Variants in SNX29 observed in about 807,000 individuals in gnomAD.
The protein encoded by SNX29 is sorting nexin 29.
SNX29 carries 78 observed loss-of-function variants against 102.1 expected under a neutral mutation model. That is an observed-to-expected ratio of 0.76 (90% CI 0.64 to 0.92). The LOEUF is 0.92. Among genes scored for constraint, SNX29 ranks in the 40% least tolerant of loss-of-function variants. The probability of loss-of-function intolerance (pLI) is 0.00; values close to 1 mark genes in which losing one functional copy is unlikely to be tolerated. For missense variants in SNX29, 1,280 were observed against 1,061.7 expected (o/e 1.21, Z -2.86); for synonymous variants, 580 against 414.5 (o/e 1.40, Z -4.85).
At position 12,515,616 on chromosome 16, in the gene SNX29, C is replaced by A. The variant is rs950967402; in HGVS notation, c.2179-9086C>A. ...AGGTGACCTCCGAAGTCACCTCCTC[C>A]CAGGTGCCTTCCTGTCCTAGCCACC... On this transcript the variant is annotated intron_variant, in intron 19 of 20. Coordinates refer to ENST00000566228, the MANE Select transcript of SNX29 (RefSeq NM_032167.5). The A allele has an allele frequency of 1.2e-5, 6 of 487,406 alleles. No individual in the cohort carries two copies. The East Asian group carries it at 1.9e-4, about 16-fold the overall frequency. The allele number at this position is 487,406 out of a possible 1,614,324, so 30.2% of individuals were successfully genotyped here.
chr16:12,060,395 C>T (rs2050720557), intron 8 of SNX29, among the ~76,000 whole-genome samples: 1 of 152,050 alleles, frequency 6.6e-6, no homozygotes, highest in Admixed American at 6.6e-5. Context: ...ATTTTGAGAC[C>T]AGCCTGGACA....
intron 18 of SNX29, among the ~76,000 whole-genome samples, chr16:12,417,754 C>T (rs953299869): frequency 6.6e-6 from 1 of 152,064 alleles, no homozygotes; most frequent in Admixed American, 6.5e-5. Context: ...TCCTCACCCT[C>T]CTCACCCTTT....
intron 20 of SNX29, among the ~76,000 whole-genome samples, chr16:12,538,973 AATAGGGAGAAG>A (rs2077201495): frequency 6.6e-6 from 1 of 152,172 alleles, no homozygotes; most frequent in South Asian, 2.1e-4. Context: ...AAGTGATATA[AATAGGGAGAAG>A]ATAGAACAGA....
At chr16:12,415,987 T>C (rs929702637) in intron 18 of SNX29, among the ~76,000 whole-genome samples, 1 of 152,104 alleles carries the variant, frequency 6.6e-6, no homozygotes, top group Admixed American at 6.6e-5. Context: ...GGGGCCGTCT[T>C]CTGAATGTGG....
intron 16 of SNX29, among the ~76,000 whole-genome samples, chr16:12,365,456 G>A (rs1016372275): frequency 1.3e-5 from 2 of 151,670 alleles, no homozygotes; most frequent in East Asian, 1.9e-4. Context: ...TTGGGAGGCC[G>A]AGGCAGGAGG....
chr16:12,140,907 C>T (rs961694902), intron 13 of SNX29, among the ~76,000 whole-genome samples: 3 of 152,124 alleles, frequency 2.0e-5, no homozygotes, highest in Middle Eastern at 3.4e-3. Context: ...AAATTTATAG[C>T]GAATATAACC....
At position 12,571,201 on chromosome 16, in the gene SNX29, A is replaced by AC. The variant is rs1380342977; in HGVS notation, c.*2572_*2573insC. The AC allele has an allele frequency of 2.6e-5, 6 of 232,230 alleles. No homozygotes were observed. The highest frequency in any genetic ancestry group is 1.3e-4 in the African/African-American group (6 of 45,236). 14.4% of individuals were successfully genotyped at this position (232,230 alleles called of 1,614,324 possible). A position where few individuals can be genotyped will look rare whatever the true frequency, so the allele number is the denominator to read the frequency against. On this transcript the variant is annotated 3_prime_UTR_variant, in exon 21 of 21. Coordinates refer to ENST00000566228, the MANE Select transcript of SNX29 (RefSeq NM_032167.5). ...TGTGGTGGGATGAACTTCAGGCAAC[A>AC]AACAACTGGCAGGGTTCCCAGTTCC...
At chr16:12,058,179 C>T (rs1042777627) in intron 8 of SNX29, among the ~76,000 whole-genome samples, 1 of 152,044 alleles carries the variant, frequency 6.6e-6, no homozygotes, top group Non-Finnish European at 1.5e-5. Context: ...TGCTTCATTA[C>T]AACTGTGTAA....
At chr16:12,518,651 C>G (rs982883532) in intron 19 of SNX29, among the ~76,000 whole-genome samples, 12 of 152,198 alleles carry the variant, frequency 7.9e-5, no homozygotes, top group African/African-American at 1.2e-4. Context: ...GTCCCTACCC[C>G]CTCCTGCACA....
chr16:12,208,440 G>A (rs937852780), intron 14 of SNX29, among the ~76,000 whole-genome samples: 1 of 152,168 alleles, frequency 6.6e-6, no homozygotes, highest in African/African-American at 2.4e-5. Flanking sequence ...TAGGTTGTGA[G>A]GATCTATGGT....
At chr16:12,502,886 C>T (rs963561614) in intron 19 of SNX29, among the ~76,000 whole-genome samples, 2 of 152,192 alleles carry the variant, frequency 1.3e-5, no homozygotes, top group African/African-American at 4.8e-5. Flanking sequence ...TTTAGAATTA[C>T]AGGAGCGATT....
intron 15 of SNX29, among the ~76,000 whole-genome samples, chr16:12,297,512 C>A (rs945559278): frequency 3.3e-5 from 5 of 151,978 alleles, no homozygotes; most frequent in Non-Finnish European, 7.4e-5. Flanking sequence ...TGGCTTCCTT[C>A]CCTTCTCCTG....
At chr16:12,541,186 C>T (rs537842653) in intron 20 of SNX29, among the ~76,000 whole-genome samples, 2 of 152,264 alleles carry the variant, frequency 1.3e-5, no homozygotes, top group South Asian at 4.1e-4. Context: ...TCAGTATTGT[C>T]TATCCTGAAG....
Position 12,042,973 on chromosome 16 carries a change from C to T in SNX29, c.324C>T (p.Ile108=), listed in dbSNP as rs1199624847. 10 of 1,613,772 alleles carry T rather than the reference C, an allele frequency of 6.2e-6. No homozygotes were observed. The highest frequency in any genetic ancestry group is 7.6e-6 in the Non-Finnish European group (9 of 1,179,864). Residue 108 remains isoleucine (I), a synonymous_variant, in exon 5 of 21, where the codon ATC becomes ATT. Coordinates refer to ENST00000566228, the MANE Select transcript of SNX29 (RefSeq NM_032167.5). ...ELQRFYSLRH[I]ASDVGRGRAW... is the part of the protein sequence containing the mutation. ...AGCGCTTCTACTCCCTGCGCCACAT[C>T]GCCTCAGACGTGGGCCGGGGTCGCG...
At chr16:12,568,283 G>C (rs1291308426) in intron 20 of SNX29, among the ~76,000 whole-genome samples, 2 of 144,022 alleles carry the variant, frequency 1.4e-5, no homozygotes, top group African/African-American at 5.1e-5. Flanking sequence ...GCCAAGCTTG[G>C]TTGGAGCCTC....
intron 11 of SNX29, among the ~76,000 whole-genome samples, chr16:12,083,315 A>AAC (rs1008482703): frequency 2.6e-5 from 4 of 151,744 alleles, no homozygotes; most frequent in African/African-American, 7.3e-5. Flanking sequence ...CAAAAAAAAA[A>AAC]AAAACCCCTC....
At chr16:12,226,776 C>T (rs1363501595) in intron 14 of SNX29, among the ~76,000 whole-genome samples, 2 of 152,056 alleles carry the variant, frequency 1.3e-5, no homozygotes, top group East Asian at 3.8e-4. Context: ...ACGGGTTTCA[C>T]TGTATTGGCT....
chr16:12,366,750 G>A (rs540609420), intron 16 of SNX29, among the ~76,000 whole-genome samples: 9 of 152,092 alleles, frequency 5.9e-5, no homozygotes, highest in Non-Finnish European at 1.2e-4. Flanking sequence ...TGGTCTCTGT[G>A]TGCTTCTCTT....
chr16:12,417,241 G>A (rs1448034826), intron 18 of SNX29, among the ~76,000 whole-genome samples: 1 of 152,240 alleles, frequency 6.6e-6, no homozygotes, highest in Non-Finnish European at 1.5e-5. Flanking sequence ...TGTTTCTTCT[G>A]CGTAGCCAGG....
Sources: gnomAD v4.1 joint callset for allele counts (sites outside exome capture counted in the v4.1 genomes callset) on GRCh38, gnomAD v4.1.1 for gene constraint, MANE v1.5 for transcripts, NCBI Gene and HGNC (gene_info 2026-07-23, HGNC 2026-07-21) for gene names.